Variants in HOMER2 observed in about 807,000 individuals in gnomAD.
The protein encoded by HOMER2 is homer protein homolog 2.
In HOMER2, 27 loss-of-function variants were observed where a neutral mutation model predicts 47.0. The observed-to-expected ratio is 0.57, with a 90% CI of 0.42 to 0.79. The LOEUF is 0.79. HOMER2 is among the 30% of genes least tolerant of loss of function. The probability of loss-of-function intolerance (pLI) is 0.00; values close to 1 mark genes in which losing one functional copy is unlikely to be tolerated. For missense variants in HOMER2, 443 were observed against 435.0 expected (o/e 1.02, Z -0.16); for synonymous variants, 161 against 163.8 (o/e 0.98, Z 0.13).
chr15:82,880,277 A>T (rs1596321221), intron 2 of HOMER2, among the ~76,000 whole-genome samples: 3 of 152,368 alleles, frequency 2.0e-5, no homozygotes, highest in East Asian at 3.9e-4. Context: ...AACTTTTTTA[A>T]AAATTACTCT....
At chr15:82,846,269 G>C (rs962538150), downstream of HOMER2, 1 of 152,186 alleles carries the variant, frequency 6.6e-6, no homozygotes, top group Non-Finnish European at 1.5e-5. Flanking sequence ...GGGTGTGTTT[G>C]TTTTCCATAG....
At chr15:82,874,604 G>C (rs963518330) in intron 3 of HOMER2, among the ~76,000 whole-genome samples, 17 of 152,190 alleles carry the variant, frequency 1.1e-4, no homozygotes, top group Admixed American at 9.8e-4. Context: ...AAGTGACTTG[G>C]AGCTATGAAT....
intron 1 of HOMER2, among the ~76,000 whole-genome samples, chr15:82,945,519 T>C (rs986085891): frequency 6.6e-6 from 1 of 151,824 alleles, no homozygotes; most frequent in Non-Finnish European, 1.5e-5. Context: ...AAGGCAGACA[T>C]TGAAATGCTG....
intron 1 of HOMER2, among the ~76,000 whole-genome samples, chr15:82,899,043 C>T (rs185360165): frequency 6.6e-5 from 10 of 152,344 alleles, no homozygotes; most frequent in South Asian, 6.2e-4. Flanking sequence ...CCAGATGGGT[C>T]ACACTCTGCC....
At chr15:82,893,728 A>C (rs1182916533) in intron 1 of HOMER2, among the ~76,000 whole-genome samples, 1 of 151,544 alleles carries the variant, frequency 6.6e-6, no homozygotes, top group Non-Finnish European at 1.5e-5. Flanking sequence ...AGGCTCAAGC[A>C]ATTCTGCCTC....
intron 1 of HOMER2, among the ~76,000 whole-genome samples, chr15:82,928,940 T>TAAAAAAAAAAAA: frequency 1.0e-4 from 4 of 39,916 alleles, no homozygotes; most frequent in Non-Finnish European, 1.6e-4. Context: ...AAATAAAAAC[T>TAAAAAAAAAAAA]AAAAAAAAAA....
intron 3 of HOMER2, among the ~76,000 whole-genome samples, chr15:82,874,690 C>T (rs536121161): frequency 1.3e-5 from 2 of 152,226 alleles, no homozygotes; most frequent in South Asian, 2.1e-4. Flanking sequence ...CCAAGCTAAG[C>T]GCTTCCATTA....
Position 82,865,955 on chromosome 15 carries a change from G to A in HOMER2, c.295-1696C>T, listed in dbSNP as rs894059305. Among the ~76,000 whole-genome samples the A allele has an allele frequency of 5.3e-5, 8 of 152,244 alleles. 1 individual carries two copies. Among genetic ancestry groups the A allele is most frequent in the African/African-American group, 1.2e-4 (5 of 41,472 alleles). On this transcript the variant is annotated intron_variant, in intron 3 of 8. Coordinates refer to ENST00000450735, the MANE Select transcript of HOMER2 (RefSeq NM_004839.4). ...AGAACTCTGCTAGGGCAGTGCAGAAGGGAAATGTGGGGTCAAAGTCCCCCA... is the reference window on the plus strand; with the variant it reads ...AGAACTCTGCTAGGGCAGTGCAGAAAGGAAATGTGGGGTCAAAGTCCCCCA...
chr15:82,839,890 G>A (rs1307685807), exon 2 of HOMER2: 1 of 152,058 alleles, frequency 6.6e-6, no homozygotes, highest in African/African-American at 2.4e-5. Flanking sequence ...CAGGTCTCAA[G>A]AAAACATCCA....
At chr15:82,931,672 A>G (rs1051545621) in intron 1 of HOMER2, among the ~76,000 whole-genome samples, 1 of 152,028 alleles carries the variant, frequency 6.6e-6, no homozygotes, top group Non-Finnish European at 1.5e-5. Context: ...CCCCGTCTCT[A>G]CTAAAAATAC....
rs1269889653 is a variant in HOMER2, at chr15:82,860,952, AAGAT to A, written c.388-1821_388-1818del. Reference sequence around the variant, plus strand: ...ACTCTGTCTCAAAGATAGAAGATAGAAGATGAGAGAGAGAGAGAGAGAGAGAGAG... The same window carrying A: ...ACTCTGTCTCAAAGATAGAAGATAGAGAGAGAGAGAGAGAGAGAGAGAGAG... On this transcript the variant is annotated intron_variant, in intron 4 of 8. Transcript: ENST00000450735. Among the ~76,000 whole-genome samples, 635 of 105,492 alleles carry A rather than the reference AAGAT, an allele frequency of 6.0e-3. 12 individuals are homozygous for A. The highest frequency in any genetic ancestry group is 0.011 in the African/African-American group (358 of 31,938). The allele number at this position is 105,492 out of a possible 152,430, so 69.2% of individuals were successfully genotyped here.
chr15:82,960,363 G>T (rs572410429), intron 1 of HOMER2, among the ~76,000 whole-genome samples: 1 of 152,294 alleles, frequency 6.6e-6, no homozygotes, highest in African/African-American at 2.4e-5. Context: ...GGAGCCATCA[G>T]CAAGTCAGTA....
Position 82,892,821 on chromosome 15 carries a change from G to A in HOMER2, c.26C>T (p.Thr9Ile). The A allele has an allele frequency of 7.5e-6, 12 of 1,598,412 alleles. No homozygotes were observed. The highest frequency in any genetic ancestry group is 1.0e-5 in the Non-Finnish European group (12 of 1,169,122). Residue 9 changes from threonine to isoleucine, a missense_variant, in exon 2 of 9, where the codon ACC (threonine) becomes ATC (isoleucine). Coordinates refer to ENST00000450735, the MANE Select transcript of HOMER2 (RefSeq NM_004839.4). ...GTCAATCTGGAAGACATGCGCTCGG[G>A]TGGTGAAGATGGGCTGTTCTCTGCA... MGEQPIFT[T>I]RAHVFQIDPN...
intron 1 of HOMER2, among the ~76,000 whole-genome samples, chr15:82,916,289 ATTAAC>A (rs1280152160): frequency 6.6e-6 from 1 of 152,210 alleles, no homozygotes; most frequent in East Asian, 1.9e-4. Context: ...ACAAATATAT[ATTAAC>A]TTAACAAATA....
At chr15:82,869,225 C>G (rs2052095994) in intron 3 of HOMER2, among the ~76,000 whole-genome samples, 1 of 152,126 alleles carries the variant, frequency 6.6e-6, no homozygotes, top group Non-Finnish European at 1.5e-5. Context: ...AAGCCAAGAA[C>G]CTTCCCAGGT....
At chr15:82,940,056 G>A (rs573499389) in intron 1 of HOMER2, among the ~76,000 whole-genome samples, 5 of 152,222 alleles carry the variant, frequency 3.3e-5, no homozygotes, top group East Asian at 3.9e-4. Context: ...ATCACACACC[G>A]AGGCCTGTCG....
chr15:82,944,632 AG>A (rs916325069), intron 1 of HOMER2, among the ~76,000 whole-genome samples: 9 of 152,304 alleles, frequency 5.9e-5, no homozygotes, highest in Admixed American at 3.3e-4. Flanking sequence ...CAAATGGAAA[AG>A]GGGTCCCTGC....
At chr15:82,891,793 C>T (rs2052716647) in intron 2 of HOMER2, among the ~76,000 whole-genome samples, 2 of 152,168 alleles carry the variant, frequency 1.3e-5, no homozygotes, top group South Asian at 4.2e-4. Context: ...AAGGCAGATT[C>T]ACTTGACAAA....
chr15:82,963,315 C>T (rs902721244), intron 1 of HOMER2, among the ~76,000 whole-genome samples: 3 of 152,006 alleles, frequency 2.0e-5, no homozygotes, highest in Non-Finnish European at 2.9e-5. Flanking sequence ...GTCTCAAACA[C>T]CTAGGCTCAA....
Sources: gnomAD v4.1 joint callset for allele counts (sites outside exome capture counted in the v4.1 genomes callset) on GRCh38, gnomAD v4.1.1 for gene constraint, MANE v1.5 for transcripts, NCBI Gene and HGNC (gene_info 2026-07-23, HGNC 2026-07-21) for gene names.